Variants in NFE2L2 observed in about 807,000 individuals in gnomAD.
NFE2L2 encodes NFE2 like bZIP transcription factor 2.
A neutral mutation model predicts 49.6 loss-of-function variants in NFE2L2; 20 were observed. The ratio of observed to expected loss-of-function variants is 0.40; its 90% CI spans 0.28 to 0.59. The LOEUF (loss-of-function observed/expected upper bound fraction) is 0.59, where lower values mean the gene tolerates loss of function less well. NFE2L2 is among the 20% of genes least tolerant of loss of function. NFE2L2 has a pLI of 0.40. For synonymous variants in NFE2L2, 244 were observed against 256.5 expected, an observed-to-expected ratio of 0.95 and a Z score of 0.47; for missense variants, 578 against 714.2, an observed-to-expected ratio of 0.81 and a Z score of 2.17.
At chr2:177,242,337 A>G (rs1244219167) in intron 1 of NFE2L2, among the ~76,000 whole-genome samples, 1 of 152,232 alleles carries the variant, frequency 6.6e-6, no homozygotes, top group African/African-American at 2.4e-5. Context: ...AGAGACATTT[A>G]AGAGGTAGCA....
intron 1 of NFE2L2, among the ~76,000 whole-genome samples, chr2:177,246,774 C>CT (rs56311819): frequency 0.83 from 97,815 of 117,158 alleles, 41,694 homozygotes; most frequent in Non-Finnish European, 0.89. Flanking sequence ...TAATATTTTA[C>CT]TTTTTTTTTT....
At chr2:177,264,341 C>G (rs962821732) in intron 1 of NFE2L2, 191 bp downstream of exon 1, 5 of 537,978 alleles carry the variant, frequency 9.3e-6, no homozygotes. Context: ...GTCGGATCAC[C>G]CGGCCGCGTC....
At chr2:177,254,060 G>A (rs1199703553) in intron 1 of NFE2L2, among the ~76,000 whole-genome samples, 2 of 152,128 alleles carry the variant, frequency 1.3e-5, no homozygotes, top group Non-Finnish European at 2.9e-5. Flanking sequence ...AGCAGAAAAG[G>A]TGGCTAAGCC....
chr2:177,253,344 C>T (rs1037940620), intron 1 of NFE2L2, among the ~76,000 whole-genome samples: 3 of 152,142 alleles, frequency 2.0e-5, no homozygotes, highest in Admixed American at 2.0e-4. Context: ...GCAACTATTA[C>T]GTAAGCACCA....
intron 2 of NFE2L2, 66 bp from the exon 3 acceptor site, chr2:177,233,405 T>C (rs569889539): frequency 1.7e-6 from 2 of 1,144,946 alleles, no homozygotes; most frequent in East Asian, 2.5e-5. Context: ...AAGCTAAATA[T>C]TCAATAATTG....
chr2:177,263,286 T>G lies in NFE2L2; in HGVS notation c.45+1246A>C, dbSNP rs552022887. On this transcript the variant is annotated intron_variant, in intron 1 of 4. Transcript: ENST00000397062. ...AACATGTTAAGAAATTGAGGCAAAT[T>G]CTCAACTGAAAAGGAAACATATATA... 73 of 882,838 alleles carry G rather than the reference T, an allele frequency of 8.3e-5. No individual in the cohort carries two copies. In the South Asian group the frequency reaches 3.2e-3, roughly 39 times the overall value. The allele number at this position is 882,838 out of a possible 1,614,324, so 54.7% of individuals were successfully genotyped here.
intron 1 of NFE2L2, among the ~76,000 whole-genome samples, chr2:177,242,588 C>T (rs1327306238): frequency 1.3e-5 from 2 of 152,136 alleles, no homozygotes; most frequent in African/African-American, 2.4e-5. Context: ...TCATGGGCTG[C>T]TTCCTGTTCC....
intron 1 of NFE2L2, among the ~76,000 whole-genome samples, chr2:177,241,106 C>A (rs1035620875): frequency 1.3e-5 from 2 of 152,120 alleles, no homozygotes; most frequent in Admixed American, 1.3e-4. Context: ...TAATTATACA[C>A]ACTACTAACT....
At chr2:177,261,664 T>C (rs1690748160) in intron 1 of NFE2L2, among the ~76,000 whole-genome samples, 1 of 152,220 alleles carries the variant, frequency 6.6e-6, no homozygotes, top group African/African-American at 2.4e-5. Flanking sequence ...AAACCAGGGA[T>C]AATAATATTT....
intron 1 of NFE2L2, chr2:177,256,022 G>A (rs918404627): frequency 1.3e-5 from 2 of 154,514 alleles, no homozygotes; most frequent in African/African-American, 4.8e-5. Flanking sequence ...TCACTACCAG[G>A]AATTTTAATG....
At chr2:177,242,720 G>A (rs1308373764) in intron 1 of NFE2L2, among the ~76,000 whole-genome samples, 2 of 152,116 alleles carry the variant, frequency 1.3e-5, no homozygotes, top group African/African-American at 2.4e-5. Context: ...AGCAAAACTG[G>A]AAAGTGAAGA....
intron 1 of NFE2L2, among the ~76,000 whole-genome samples, chr2:177,236,570 G>T (rs770107493): frequency 1.5e-4 from 23 of 152,116 alleles, no homozygotes; most frequent in Non-Finnish European, 2.6e-4. Context: ...TACAGTATAA[G>T]AATACTGAGG....
intron 1 of NFE2L2, among the ~76,000 whole-genome samples, chr2:177,238,678 TA>T (rs1689840436): frequency 6.6e-6 from 1 of 152,222 alleles, no homozygotes; most frequent in South Asian, 2.1e-4. Context: ...GAGCCTAAAA[TA>T]ATGTTGGGAC....
At chr2:177,259,077 A>C (rs111507120) in intron 1 of NFE2L2, among the ~76,000 whole-genome samples, 54 of 152,338 alleles carry the variant, frequency 3.5e-4, no homozygotes, top group African/African-American at 1.2e-3. Context: ...TCGGAGACCA[A>C]GGTGGGCACA....
At chr2:177,263,629 C>T in intron 1 of NFE2L2, 1 of 985,482 alleles carries the variant, frequency 1.0e-6, no homozygotes, top group African/African-American at 1.7e-5. Context: ...TCACGGAAGC[C>T]AAGGCCACGC....
chr2:177,234,833 A>C (rs1689683748), intron 1 of NFE2L2, among the ~76,000 whole-genome samples: 1 of 151,982 alleles, frequency 6.6e-6, no homozygotes, highest in Non-Finnish European at 1.5e-5. Flanking sequence ...TGCTACTCTT[A>C]TCTCTGTGGC....
chr2:177,263,421 GAAT>G (rs1690814653), intron 1 of NFE2L2: 1 of 985,374 alleles, frequency 1.0e-6, no homozygotes, highest in African/African-American at 1.7e-5. Context: ...GCACAGAAGA[GAAT>G]ATCCCGTCTT....
chr2:177,238,452 T>C (rs538163286), intron 1 of NFE2L2, among the ~76,000 whole-genome samples: 1 of 152,356 alleles, frequency 6.6e-6, no homozygotes, highest in East Asian at 1.9e-4. Flanking sequence ...TTTGAGGGGT[T>C]TGGATGGCTT....
chr2:177,258,283 T>C (rs140687001), intron 1 of NFE2L2, among the ~76,000 whole-genome samples: 43 of 152,342 alleles, frequency 2.8e-4, no homozygotes, highest in African/African-American at 9.4e-4. Flanking sequence ...CGTTGCAACA[T>C]TTTTAAACCT....
Sources: gnomAD v4.1 joint callset for allele counts (sites outside exome capture counted in the v4.1 genomes callset) on GRCh38, gnomAD v4.1.1 for gene constraint, MANE v1.5 for transcripts, NCBI Gene and HGNC (gene_info 2026-07-23, HGNC 2026-07-21) for gene names.